DNAH3: variants seen among roughly 807,000 people sequenced by gnomAD.
DNAH3 encodes dynein axonemal heavy chain 3.
Under a neutral mutation model 432.5 loss-of-function variants are expected in DNAH3, and 332 were observed. That is an observed-to-expected ratio of 0.77 (90% CI 0.70 to 0.84). The LOEUF (loss-of-function observed/expected upper bound fraction) is 0.84, where lower values mean the gene tolerates loss of function less well. Among genes scored for constraint, DNAH3 ranks in the 40% least tolerant of loss-of-function variants. The pLI, the probability that DNAH3 is intolerant of heterozygous loss-of-function variation, is 0.00. For missense variants in DNAH3, 4,861 were observed against 5,114.0 expected (o/e 0.95, Z 1.51); for synonymous variants, 1,956 against 1,900.2 (o/e 1.03, Z -0.76).
intron 1 of DNAH3, among the ~76,000 whole-genome samples, chr16:21,148,605 G>A (rs1451477377): frequency 3.3e-5 from 5 of 151,940 alleles, no homozygotes; most frequent in African/African-American, 1.2e-4. Context: ...CGCTGTTCTC[G>A]GGATAATGAA....
At chr16:21,012,386 CA>C (rs1463404100) in intron 41 of DNAH3, among the ~76,000 whole-genome samples, 1 of 151,980 alleles carries the variant, frequency 6.6e-6, no homozygotes, top group African/African-American at 2.4e-5. Flanking sequence ...ATATGAAAAA[CA>C]AACTACCACT....
exon 46 of DNAH3, chr16:20,987,767 GTGACTT>G (rs1204659443): frequency 4.3e-6 from 7 of 1,614,028 alleles, no homozygotes; most frequent in Non-Finnish European, 4.2e-6. Context: ...AAGACGTAAT[GTGACTT>G]CGAGGGAGTT....
intron 25 of DNAH3, 51 bp from the exon 26 acceptor site, chr16:21,060,407 G>A (rs756669023): frequency 1.4e-6 from 2 of 1,415,974 alleles, no homozygotes; most frequent in South Asian, 1.1e-5. Context: ...AGCCCAGAGG[G>A]AGGGAGAGTG....
chr16:21,073,123 G>A (rs555588234), intron 21 of DNAH3, among the ~76,000 whole-genome samples: 4 of 152,188 alleles, frequency 2.6e-5, no homozygotes, highest in South Asian at 2.1e-4. Flanking sequence ...GGTCTTTCTC[G>A]CTCTGTTCTC....
rs746423516 is a variant in DNAH3, at chr16:20,944,655, G to A, written c.11352C>T (p.Ile3784=). 5.6e-6 allele frequency: 9 copies of A among 1,613,928 alleles called. No individual in the cohort carries two copies. The East Asian group carries it at 6.7e-5, about 12-fold the overall frequency. ...TGATGGGGAGATTCCTGAGATAGTCGATATAGGACTGGAAGGGAAATCTTC... is the reference window on the plus strand; with the variant it reads ...TGATGGGGAGATTCCTGAGATAGTCAATATAGGACTGGAAGGGAAATCTTC... The change falls in exon 58 of 62, where the codon ATC becomes ATT. Residue 3784 remains isoleucine (I), a synonymous_variant. Coordinates refer to ENST00000261383, the Ensembl canonical transcript of DNAH3.
intron 1 of DNAH3, among the ~76,000 whole-genome samples, chr16:21,147,593 AAC>A (rs1257171374): frequency 1.3e-5 from 2 of 152,252 alleles, no homozygotes; most frequent in Non-Finnish European, 2.9e-5. Context: ...CTGTGTATTT[AAC>A]ACACACATAA....
intron 7 of DNAH3, 90 bp downstream of exon 8, chr16:21,134,169 G>T: frequency 7.8e-7 from 1 of 1,287,042 alleles, no homozygotes; most frequent in Non-Finnish European, 1.1e-6. Flanking sequence ...TGCTGTCAGG[G>T]CTACCCCCAC....
chr16:20,976,623 T>G (rs1388752151), intron 50 of DNAH3, among the ~76,000 whole-genome samples: 1 of 152,224 alleles, frequency 6.6e-6, no homozygotes, highest in Admixed American at 6.5e-5. Flanking sequence ...CTCCTCAGAT[T>G]TATATGTTGA....
In DNAH3 at chr16:21,080,912, C is replaced by CT. The variant is rs927555755; in HGVS notation, c.2969+723dup. ...GGGAAGAAAGCAAGAGAAAAGACTT[C>CT]TTTTTTTTTCTTTTTTTTAAATTAA... is the stretch of plus-strand genomic sequence containing the variant. On this transcript the variant is annotated intron_variant, in intron 20 of 61. Transcript: ENST00000261383. Among the ~76,000 whole-genome samples, 66 of 151,442 alleles carry CT rather than the reference C, an allele frequency of 4.4e-4. No individual in the cohort carries two copies. The South Asian group carries it at 0.012, about 27-fold the overall frequency.
chr16:21,128,480 G>A (rs2092485621), intron 7 of DNAH3, among the ~76,000 whole-genome samples: 1 of 151,602 alleles, frequency 6.6e-6, no homozygotes, highest in East Asian at 1.9e-4. Flanking sequence ...GGATCACAAG[G>A]TCAGGAGTTC....
Position 21,139,807 on chromosome 16 carries a change from C to A in DNAH3, c.696+729G>T, listed in dbSNP as rs531608229. 8.0e-5 allele frequency among the ~76,000 whole-genome samples: 8 copies of A among 100,240 alleles called. No individual in the cohort carries two copies. The East Asian group carries it at 1.9e-3, about 24-fold the overall frequency. 65.8% of individuals were successfully genotyped at this position (100,240 alleles called of 152,430 possible). A position where few individuals can be genotyped will look rare whatever the true frequency, so the allele number is the denominator to read the frequency against. On this transcript the variant is annotated intron_variant, in intron 5 of 61. Coordinates refer to ENST00000261383, the Ensembl canonical transcript of DNAH3. ...TTTTTTTTTTTTTTTTGAGATAGAG[C>A]CTCGCTCTGTTGCCCATGCCGAAGT...
At chr16:20,996,706 G>A (rs377453538) in intron 44 of DNAH3, among the ~76,000 whole-genome samples, 3 of 152,032 alleles carry the variant, frequency 2.0e-5, no homozygotes, top group African/African-American at 2.4e-5. Context: ...CGATCTACCC[G>A]CTTCGGCCTC....
intron 27 of DNAH3, among the ~76,000 whole-genome samples, chr16:21,057,399 T>G (rs1219415260): frequency 6.6e-6 from 1 of 152,178 alleles, no homozygotes; most frequent in Non-Finnish European, 1.5e-5. Flanking sequence ...CAGCCTCGTG[T>G]CTAAGTACCG....
chr16:21,109,359 A>T (rs1469352680), intron 14 of DNAH3, among the ~76,000 whole-genome samples: 3 of 151,818 alleles, frequency 2.0e-5, no homozygotes, highest in South Asian at 2.1e-4. Context: ...ATAATGAACA[A>T]CCTCTTAGGG....
exon 53 of DNAH3, chr16:20,963,362 G>T: frequency 6.2e-7 from 1 of 1,614,180 alleles, no homozygotes. Context: ...GATCCCTGGA[G>T]ATCGAACGTA....
intron 49 of DNAH3, among the ~76,000 whole-genome samples, chr16:20,981,904 T>C (rs982187649): frequency 6.6e-6 from 1 of 150,516 alleles, no homozygotes; most frequent in Non-Finnish European, 1.5e-5. Context: ...CCAAATAAAA[T>C]GCTTTTTTTA....
chr16:21,060,247 C>G lies in DNAH3; in HGVS notation c.3813+17G>C. 1 of 1,601,134 alleles carries G rather than the reference C, an allele frequency of 6.2e-7. No homozygotes were observed. ...GTGCACTAGTGTCCTGGCATGTGTA[C>G]CCCGGTTCTTGTTTACCTTGACATA... On this transcript the variant is annotated intron_variant, in intron 26 of 61. Transcript: ENST00000261383.
At chr16:21,074,428 G>A (rs760307599) in intron 21 of DNAH3, among the ~76,000 whole-genome samples, 10 of 152,088 alleles carry the variant, frequency 6.6e-5, no homozygotes, top group African/African-American at 2.4e-4. Context: ...GGAATCAATG[G>A]TTGGGCCTGG....
rs2086947133 is a variant in DNAH3, at chr16:21,000,140, G to A, written c.6421+84C>T. 4 of 1,428,214 alleles carry A rather than the reference G, an allele frequency of 2.8e-6. No homozygotes were observed. In the African/African-American group the frequency reaches 4.2e-5, roughly 15 times the overall value. The allele number at this position is 1,428,214 out of a possible 1,614,324, so 88.5% of individuals were successfully genotyped here. On this transcript the variant is annotated intron_variant, in intron 43 of 61. Coordinates refer to ENST00000261383, the Ensembl canonical transcript of DNAH3. ...CCCAGGGAGAGTAAAGGTATGTACA[G>A]TGGCACCACAAGCAGAAGCTATAGT...
Sources: gnomAD v4.1 joint callset for allele counts (sites outside exome capture counted in the v4.1 genomes callset) on GRCh38, gnomAD v4.1.1 for gene constraint, MANE v1.5 for transcripts, NCBI Gene and HGNC (gene_info 2026-07-23, HGNC 2026-07-21) for gene names.